USP22: variants seen among roughly 807,000 people sequenced by gnomAD.
The protein encoded by USP22 is ubiquitin carboxyl-terminal hydrolase 22.
A neutral mutation model predicts 68.1 loss-of-function variants in USP22; 22 were observed. That is an observed-to-expected ratio of 0.32 (90% CI 0.23 to 0.46). The LOEUF (loss-of-function observed/expected upper bound fraction) is 0.46. Among genes scored for constraint, USP22 ranks in the 20% least tolerant of loss-of-function variants. The pLI, the probability that USP22 is intolerant of heterozygous loss-of-function variation, is 1.00. For synonymous variants in USP22, 279 were observed against 274.2 expected, an observed-to-expected ratio of 1.02 and a Z score of -0.17; for missense variants, 433 against 695.8, an observed-to-expected ratio of 0.62 and a Z score of 4.25.
rs747436303 is a variant in USP22, at chr17:21,004,258, C to T, written c.1479G>A (p.Lys493=). Residue 493 remains lysine, a synonymous_variant, in exon 12 of 13, where the codon AAG becomes AAA. Coordinates refer to ENST00000261497, the MANE Select transcript of USP22 (RefSeq NM_015276.2). ...CCTTGGTGATGATGGCATCGTCACACTTGAACCACTGGTCTTTGTGCTGCC... is the reference window on the plus strand; with the variant it reads ...CCTTGGTGATGATGGCATCGTCACATTTGAACCACTGGTCTTTGTGCTGCC... ...FIRQHKDQWF[K]CDDAIITKAS... 2.5e-6 allele frequency: 4 copies of T among 1,614,198 alleles called. No homozygotes were observed. The highest frequency in any genetic ancestry group is 1.1e-5 in the South Asian group (1 of 91,086).
In USP22 at chr17:21,019,149, T is replaced by C. The variant is rs908749001; in HGVS notation, c.455A>G (p.Lys152Arg). ...GTGCTTCAGCAGTTCAAGCTCCCGTTTGGTTGGTTCCCAAGTTGAAAACTT... is the reference window on the plus strand; with the variant it reads ...GTGCTTCAGCAGTTCAAGCTCCCGTCTGGTTGGTTCCCAAGTTGAAAACTT... Reference protein sequence around the residue: ...GEKFSTWEPTKRELELLKHNP... With the variant: ...GEKFSTWEPTRRELELLKHNP... Residue 152 changes from lysine (K) to arginine (R), a missense_variant, in exon 4 of 13, where the codon AAA (lysine) becomes AGA (arginine). Physicochemically the swap from Lys to Arg is conservative, Grantham distance 26. This residue lies in a region of USP22 where 144 missense variants were observed against 237.2 expected (regional missense o/e 0.61). Transcript: ENST00000261497. The C allele has an allele frequency of 3.7e-6, 6 of 1,614,084 alleles. No individual in the cohort carries two copies. In the African/African-American group the frequency reaches 6.7e-5, roughly 18 times the overall value.
chr17:21,021,731 T>C (rs1393426889), intron 2 of USP22, among the ~76,000 whole-genome samples: 3 of 152,198 alleles, frequency 2.0e-5, no homozygotes, highest in Admixed American at 6.5e-5. Flanking sequence ...TCGGATGACT[T>C]TGATTGACAT....
chr17:21,007,787 G>A (rs1239031456), intron 9 of USP22, 83 bp downstream of exon 9: 55 of 1,544,838 alleles, frequency 3.6e-5, no homozygotes, highest in Non-Finnish European at 4.3e-5. Flanking sequence ...AAATGTAACT[G>A]CACAGCAAAC....
intron 9 of USP22, 57 bp downstream of exon 9, chr17:21,007,813 C>A: frequency 1.2e-6 from 2 of 1,609,154 alleles, no homozygotes; most frequent in South Asian, 1.1e-5. Context: ...GGCTGAGGAC[C>A]GTACTGTGGA....
rs1972456188 is a variant in USP22, at chr17:21,042,691, C to A, written c.145G>T (p.Gly49Cys). ...RAIYQCFVWS[G>C]TAEARKRKAK... ...TTGCGCTTGCGGGCCTCAGCCGTGCCGCTCCACACGAAGCACTGGTAGATG... is the reference window on the plus strand; with the variant it reads ...TTGCGCTTGCGGGCCTCAGCCGTGCAGCTCCACACGAAGCACTGGTAGATG... The change falls in exon 1 of 13, where the codon GGC becomes TGC. Residue 49 changes from glycine to cysteine, a missense_variant. Coordinates refer to ENST00000261497, the MANE Select transcript of USP22 (RefSeq NM_015276.2). The A allele has an allele frequency of 7.3e-7, 1 of 1,370,244 alleles. No individual in the cohort carries two copies. The highest frequency in any genetic ancestry group is 9.5e-7 in the Non-Finnish European group (1 of 1,050,658). 84.9% of individuals were successfully genotyped at this position (1,370,244 alleles called of 1,614,324 possible).
In USP22 at chr17:21,028,314, ACAG is replaced by A. The variant is rs537483208; in HGVS notation, c.304+225_304+227del. Among the ~76,000 whole-genome samples, 41 of 152,320 alleles carry A rather than the reference ACAG, an allele frequency of 2.7e-4. 1 individual carries two copies. In the South Asian group the frequency reaches 8.3e-3, roughly 31 times the overall value. Reference sequence around the variant, plus strand: ...TCACAGGAAGTCAGCTGGACATAAGACAGCAGGCCATTCACTCAGAACCATCGG... The same window carrying A: ...TCACAGGAAGTCAGCTGGACATAAGACAGGCCATTCACTCAGAACCATCGG... On this transcript the variant is annotated intron_variant, in intron 2 of 12. Transcript: ENST00000261497.
chr17:21,021,637 A>C (rs543387084), intron 2 of USP22, among the ~76,000 whole-genome samples: 27 of 152,234 alleles, frequency 1.8e-4, no homozygotes, highest in African/African-American at 6.3e-4. Context: ...CACCATAAAG[A>C]ATGTGGCAGC....
intron 1 of USP22, among the ~76,000 whole-genome samples, chr17:21,039,849 C>G (rs1006616969): frequency 1.3e-5 from 2 of 152,192 alleles, no homozygotes; most frequent in African/African-American, 4.8e-5. Context: ...GTTGTCCAGG[C>G]TGGAGTACAG....
At chr17:21,008,383 ATAAT>A (rs1913843122) in intron 8 of USP22, among the ~76,000 whole-genome samples, 2 of 152,220 alleles carry the variant, frequency 1.3e-5, no homozygotes, top group Non-Finnish European at 2.9e-5. Context: ...CCATGGCTGA[ATAAT>A]TAAAGAAACT....
intron 1 of USP22, among the ~76,000 whole-genome samples, chr17:21,036,618 T>G (rs1402037306): frequency 2.0e-5 from 3 of 151,848 alleles, no homozygotes; most frequent in Non-Finnish European, 2.9e-5. Context: ...AAGTAGATTG[T>G]CGACAGTGGG....
chr17:21,002,936 G>T lies in USP22; in HGVS notation c.*95C>A. 1 of 1,487,466 alleles carries T rather than the reference G, an allele frequency of 6.7e-7. No individual in the cohort carries two copies. The allele number at this position is 1,487,466 out of a possible 1,614,324, so 92.1% of individuals were successfully genotyped here. A position where few individuals can be genotyped will look rare whatever the true frequency, so the allele number is the denominator to read the frequency against. ...GGTGGTGTCACCAGGCCGGGGAGGC[G>T]GCGGGAGACTTGGGGGAGGGGGGGG... On this transcript the variant is annotated 3_prime_UTR_variant, in exon 13 of 13. Transcript: ENST00000261497.
chr17:21,041,452 G>C (rs369212946), intron 1 of USP22, among the ~76,000 whole-genome samples: 205 of 152,082 alleles, frequency 1.3e-3, no homozygotes, highest in African/African-American at 4.7e-3. Flanking sequence ...ACAAAAATTA[G>C]CCGGGCGTGG....
intron 2 of USP22, among the ~76,000 whole-genome samples, chr17:21,022,274 A>G (rs1231449438): frequency 5.3e-5 from 8 of 152,120 alleles, no homozygotes; most frequent in Non-Finnish European, 7.4e-5. Context: ...TGAACTTTCT[A>G]ATCGTGTGCA....
Position 21,042,782 on chromosome 17 carries a change from T to C in USP22, c.54A>G (p.Val18=). The C allele has an allele frequency of 5.4e-6, 8 of 1,488,754 alleles. No individual in the cohort carries two copies. Among genetic ancestry groups the C allele is most frequent in the Non-Finnish European group, 6.2e-6 (7 of 1,120,880 alleles). The allele number at this position is 1,488,754 out of a possible 1,614,324, so 92.2% of individuals were successfully genotyped here. ...EGEAMDAELA[V]APPGCSHLGS... is the part of the protein sequence containing the mutation. ...CCAGGTGCGAGCAGCCCGGCGGCGCTACCGCCAGCTCGGCGTCCATGGCCT... is the reference window on the plus strand; with the variant it reads ...CCAGGTGCGAGCAGCCCGGCGGCGCCACCGCCAGCTCGGCGTCCATGGCCT... Residue 18 remains valine, a synonymous_variant, in exon 1 of 13, where the codon GTA becomes GTG. Transcript: ENST00000261497.
At chr17:21,031,997 C>A (rs1358406455) in intron 1 of USP22, among the ~76,000 whole-genome samples, 2 of 152,238 alleles carry the variant, frequency 1.3e-5, no homozygotes, top group African/African-American at 2.4e-5. Flanking sequence ...TATAGTCACA[C>A]ACCACATAGC....
intron 1 of USP22, among the ~76,000 whole-genome samples, chr17:21,041,497 C>A (rs1158483746): frequency 3.9e-5 from 6 of 152,114 alleles, no homozygotes; most frequent in African/African-American, 1.4e-4. Flanking sequence ...ACTCAGGAGG[C>A]TGAGGCAGGA....
intron 1 of USP22, among the ~76,000 whole-genome samples, chr17:21,029,050 G>A (rs1972257084): frequency 6.7e-6 from 1 of 149,490 alleles, no homozygotes; most frequent in African/African-American, 2.5e-5. Flanking sequence ...TTTCAGATTT[G>A]CAAATCCAGG....
rs775404404 is a variant in USP22, at chr17:21,015,867, C to T, written c.723G>A (p.Pro241=). The T allele has an allele frequency of 6.2e-5, 100 of 1,613,940 alleles. No homozygotes were observed. Among genetic ancestry groups the T allele is most frequent in the Non-Finnish European group, 7.6e-5 (90 of 1,180,010 alleles). The change falls in exon 6 of 13, where the codon CCG becomes CCA. Residue 241 remains proline (P), a synonymous_variant. Transcript: ENST00000261497. Reference sequence around the variant, plus strand: ...TCCACACCAGGTGCAGCAACTTATACGGGATGTGAGGGGACCGGTGTCCAG... The same window carrying T: ...TCCACACCAGGTGCAGCAACTTATATGGGATGTGAGGGGACCGGTGTCCAG... ...FYSGHRSPHI[P]YKLLHLVWTH...
At chr17:21,042,223 G>C (rs1030859595) in intron 1 of USP22, 1 of 154,912 alleles carries the variant, frequency 6.5e-6, no homozygotes, top group South Asian at 2.0e-4. Context: ...CAAGGACCTC[G>C]CGCAGGAACG....
Sources: allele counts gnomAD v4.1 joint callset (sites outside exome capture counted in the v4.1 genomes callset), GRCh38; gene constraint gnomAD v4.1.1; regional missense constraint gnomAD v4.1.1; transcripts MANE v1.5; gene names NCBI Gene and HGNC (gene_info 2026-07-23, HGNC 2026-07-21).